Variants in CD163L1 observed in about 807,000 individuals in gnomAD.
CD163L1 encodes the protein CD163 molecule like 1.
In CD163L1, 124 loss-of-function variants were observed where a neutral mutation model predicts 165.4. The ratio of observed to expected loss-of-function variants is 0.75; its 90% CI spans 0.65 to 0.87. The LOEUF (loss-of-function observed/expected upper bound fraction) is 0.87, where lower values mean the gene tolerates loss of function less well. Among genes scored for constraint, CD163L1 ranks in the 40% least tolerant of loss-of-function variants. The probability of loss-of-function intolerance (pLI) is 0.00; values close to 1 mark genes in which losing one functional copy is unlikely to be tolerated. For synonymous variants in CD163L1, 585 were observed against 662.2 expected, an observed-to-expected ratio of 0.88 and a Z score of 1.79; for missense variants, 1,525 against 1,799.9, an observed-to-expected ratio of 0.85 and a Z score of 2.76.
intron 6 of CD163L1, among the ~76,000 whole-genome samples, chr12:7,401,010 A>G (rs1947905496): frequency 6.6e-6 from 1 of 152,202 alleles, no homozygotes; most frequent in Admixed American, 6.5e-5. Context: ...AGTTGCTAAT[A>G]AAGAATTAGG....
chr12:7,366,943 G>T (rs1266044636), intron 18 of CD163L1, among the ~76,000 whole-genome samples: 8 of 152,162 alleles, frequency 5.3e-5, no homozygotes, highest in African/African-American at 1.7e-4. Flanking sequence ...TGTGGACCAG[G>T]TATTTGACTG....
chr12:7,348,738 A>C (rs1312977312), intron 4 of CD163L1, among the ~76,000 whole-genome samples: 2 of 152,136 alleles, frequency 1.3e-5, no homozygotes, highest in Non-Finnish European at 2.9e-5. Context: ...TATAGTACAT[A>C]GTTAATAAAT....
chr12:7,391,542 C>T (rs113814737), intron 8 of CD163L1, among the ~76,000 whole-genome samples: 11,430 of 151,988 alleles, frequency 0.075, 451 homozygotes, highest in African/African-American at 0.11. Flanking sequence ...CTGATGGAGC[C>T]GAAAACCATG....
chr12:7,349,117 A>T (rs917228358), intron 4 of CD163L1, among the ~76,000 whole-genome samples: 1 of 152,084 alleles, frequency 6.6e-6, no homozygotes, highest in African/African-American at 2.4e-5. Context: ...TCTCTACGGA[A>T]ATATGTTTAG....
At chr12:7,357,259 T>G in intron 19 of CD163L1, 121 bp downstream of exon 19, 1 of 595,430 alleles carries the variant, frequency 1.7e-6, no homozygotes, top group South Asian at 2.2e-5. Flanking sequence ...TTTGAAATAC[T>G]GGGGATATGA....
At chr12:7,421,521 GTACATATA>G (rs1341536751) in intron 4 of CD163L1, among the ~76,000 whole-genome samples, 1 of 114,304 alleles carries the variant, frequency 8.7e-6, no homozygotes, top group Non-Finnish European at 1.7e-5. Context: ...ATACATATAT[GTACATATA>G]TACATATACG....
the CD163L1 span, among the ~76,000 whole-genome samples, chr12:7,340,849 C>T: frequency 1.3e-5 from 2 of 152,160 alleles, no homozygotes; most frequent in Non-Finnish European, 2.9e-5. Flanking sequence ...CGTCAACTTC[C>T]ACTTTTCTGC....
In CD163L1 at chr12:7,438,718, T is replaced by C. The variant is rs150579815; in HGVS notation, c.124+2436A>G. ...CATAGCTTGACTGTTTCCCTTTCCT[T>C]GCTTGTGAAATGTCTTGGCCACTCA... On this transcript the variant is annotated intron_variant, in intron 2 of 19. Transcript: ENST00000313599. 7.5e-3 allele frequency: 6,826 copies of C among 908,300 alleles called. 45 individuals carry two copies. Among genetic ancestry groups the C allele is most frequent in the Non-Finnish European group, 9.6e-3 (5,851 of 611,654 alleles). The allele number at this position is 908,300 out of a possible 1,614,324, so 56.3% of individuals were successfully genotyped here.
rs375990923 is a variant in CD163L1 at position 7,388,321 on chromosome 12, G to T, written c.2050+7774C>A. 3.0e-4 allele frequency among the ~76,000 whole-genome samples: 46 copies of T among 152,298 alleles called. No individual in the cohort carries two copies. In the South Asian group the frequency reaches 9.1e-3, roughly 30 times the overall value. The stretch of plus-strand genomic sequence containing the variant: ...CACAGCAAAGGGAACAATTAACAGA[G>T]TGAAAAGACATCCTGTTGAATAGGA... On this transcript the variant is annotated intron_variant, in intron 8 of 19. Coordinates refer to ENST00000313599, the MANE Select transcript of CD163L1 (RefSeq NM_174941.6).
chr12:7,437,175 TTAC>T (rs1565820054), intron 2 of CD163L1, among the ~76,000 whole-genome samples: 1 of 115,706 alleles, frequency 8.6e-6, no homozygotes, highest in African/African-American at 4.6e-5. Flanking sequence ...ATTAATAGTA[TTAC>T]TTTTATTTTT....
chr12:7,440,112 T>C, intron 2 of CD163L1: 1 of 776,578 alleles, frequency 1.3e-6, no homozygotes, highest in Non-Finnish European at 2.1e-6. Context: ...ATGGCGGGCT[T>C]GGACCCGCCG....
At chr12:7,380,444 A>C (rs1025331795) in intron 8 of CD163L1, among the ~76,000 whole-genome samples, 4 of 141,866 alleles carry the variant, frequency 2.8e-5, no homozygotes, top group African/African-American at 1.0e-4. Flanking sequence ...AATACTACTC[A>C]GCCATAAAGA....
intron 6 of CD163L1, among the ~76,000 whole-genome samples, chr12:7,401,696 T>C (rs2136517230): frequency 6.6e-6 from 1 of 152,214 alleles, no homozygotes; most frequent in East Asian, 1.9e-4. Flanking sequence ...AATATGTCTG[T>C]GGTATATTGT....
rs373898959 is a variant in CD163L1 at position 7,421,024 on chromosome 12, C to T, written c.766+11392G>A. Among the ~76,000 whole-genome samples, 599 of 104,640 alleles carry T rather than the reference C, an allele frequency of 5.7e-3. 9 individuals carry two copies. Among genetic ancestry groups the T allele is most frequent in the African/African-American group, 0.025 (538 of 21,444 alleles). 68.6% of individuals were successfully genotyped at this position (104,640 alleles called of 152,430 possible). A position where few individuals can be genotyped will look rare whatever the true frequency, so the allele number is the denominator to read the frequency against. On this transcript the variant is annotated intron_variant, in intron 4 of 19. Coordinates refer to ENST00000313599, the MANE Select transcript of CD163L1 (RefSeq NM_174941.6). ...ATATATATATACGTGTATATATATA[C>T]ATATATATATACGTGTATATATATG...
intron 8 of CD163L1, among the ~76,000 whole-genome samples, chr12:7,381,105 A>C (rs1447813667): frequency 1.3e-5 from 2 of 152,158 alleles, no homozygotes; most frequent in African/African-American, 4.8e-5. Context: ...ATAAAAATTC[A>C]CATTATTAAA....
At chr12:7,321,241 A>G in the CD163L1 span, among the ~76,000 whole-genome samples, 1 of 152,210 alleles carries the variant, frequency 6.6e-6, no homozygotes, top group South Asian at 2.1e-4. Context: ...CTCAAAAAAG[A>G]AAGAAAGAAA....
At chr12:7,319,398 T>C in the CD163L1 span, among the ~76,000 whole-genome samples, 1 of 152,034 alleles carries the variant, frequency 6.6e-6, no homozygotes, top group African/African-American at 2.4e-5. Context: ...AAGACCAGCC[T>C]GGCCAAGATG....
At chr12:7,332,452 G>A in the CD163L1 span, among the ~76,000 whole-genome samples, 29 of 151,300 alleles carry the variant, frequency 1.9e-4, no homozygotes, top group South Asian at 2.1e-4. Flanking sequence ...GATACTCCTC[G>A]AGAAGAGCAA....
Position 7,406,541 on chromosome 12 carries a change from T to C in CD163L1, c.1078A>G (p.Ile360Val), listed in dbSNP as rs1235347603. ...DCLHQNDVSVICSDGADLELR... is the reference protein window; with the variant it reads ...DCLHQNDVSVVCSDGADLELR... Reference sequence around the variant, plus strand: ...TGGATGTAAGTCTTACCTGAGCAGATCACAGACACATCGTTTTGATGAAGA... The same window carrying C: ...TGGATGTAAGTCTTACCTGAGCAGACCACAGACACATCGTTTTGATGAAGA... Residue 360 changes from isoleucine to valine, a missense_variant, in exon 5 of 20, where the codon ATC becomes GTC. Transcript: ENST00000313599. The C allele has an allele frequency of 2.5e-6, 4 of 1,614,014 alleles. No individual in the cohort carries two copies. The South Asian group carries it at 4.4e-5, about 18-fold the overall frequency.
Sources: gnomAD v4.1 joint callset for allele counts (sites outside exome capture counted in the v4.1 genomes callset) on GRCh38, gnomAD v4.1.1 for gene constraint, MANE v1.5 for transcripts, NCBI Gene and HGNC (gene_info 2026-07-23, HGNC 2026-07-21) for gene names.